Variants in LRRK1 observed in about 807,000 individuals in gnomAD.
LRRK1 encodes leucine-rich repeat serine/threonine-protein kinase 1.
LRRK1 carries 113 observed loss-of-function variants against 209.1 expected under a neutral mutation model. That is an observed-to-expected ratio of 0.54 (90% confidence interval 0.46 to 0.63). The LOEUF (loss-of-function observed/expected upper bound fraction) is 0.63, where lower values mean the gene tolerates loss of function less well. LRRK1 is among the 30% of genes least tolerant of loss of function. The pLI is 0.00. For missense variants in LRRK1, 2,284 were observed against 2,632.2 expected, an observed-to-expected ratio of 0.87 and a Z score of 2.89; for synonymous variants, 1,144 against 1,099.7, an observed-to-expected ratio of 1.04 and a Z score of -0.80.
intron 4 of LRRK1, among the ~76,000 whole-genome samples, chr15:100,984,612 A>G (rs1325983264): frequency 1.3e-5 from 2 of 151,808 alleles, no homozygotes; most frequent in Non-Finnish European, 2.9e-5. Context: ...CTTCTTTCCC[A>G]TAGCGATATG....
At chr15:100,991,515 C>G (rs1384789832) in intron 6 of LRRK1, among the ~76,000 whole-genome samples, 1 of 152,026 alleles carries the variant, frequency 6.6e-6, no homozygotes, top group Non-Finnish European at 1.5e-5. Flanking sequence ...CATTTCTATT[C>G]CAACCTGATG....
At chr15:101,045,823 T>G (rs1180989314) in intron 20 of LRRK1, among the ~76,000 whole-genome samples, 158 bp from the exon 21 acceptor site, 2 of 152,198 alleles carry the variant, frequency 1.3e-5, no homozygotes, top group African/African-American at 4.8e-5. Flanking sequence ...ACGCTTCTCT[T>G]ACTAATAACA....
At chr15:100,924,403 A>C in intron 1 of LRRK1, 108 bp from the exon 2 acceptor site, 1 of 539,962 alleles carries the variant, frequency 1.9e-6, no homozygotes, top group Non-Finnish European at 3.4e-6. Flanking sequence ...GATGGACTAC[A>C]AAAAGGAATG....
chr15:100,965,154 C>T (rs1307814835), intron 2 of LRRK1, among the ~76,000 whole-genome samples: 1 of 152,034 alleles, frequency 6.6e-6, no homozygotes, highest in Non-Finnish European at 1.5e-5. Flanking sequence ...ATTACTCTTT[C>T]AGAATACTGA....
At chr15:101,008,701 C>T in intron 6 of LRRK1, 136 bp from the exon 7 acceptor site, 1 of 680,154 alleles carries the variant, frequency 1.5e-6, no homozygotes, top group Non-Finnish European at 2.6e-6. Context: ...CCGAGAAGGA[C>T]ATGTGCAGGC....
chr15:101,065,543 C>G lies in LRRK1; in HGVS notation c.5106C>G (p.Gly1702=), dbSNP rs2036482126. 1.2e-6 allele frequency: 2 copies of G among 1,614,102 alleles called. No individual in the cohort carries two copies. The highest frequency in any genetic ancestry group is 1.6e-4 in the Middle Eastern group (1 of 6,084). Residue 1702 remains glycine, a synonymous_variant, in exon 32 of 34, where the codon GGC becomes GGG. Coordinates refer to ENST00000388948, the MANE Select transcript of LRRK1 (RefSeq NM_024652.6). The part of the protein sequence containing the change: ...PVKAMEVVNS[G]SEVWYSNGPG... Reference sequence around the variant, plus strand: ...AGGCCATGGAGGTGGTCAACAGCGGCTCTGAGGTCTGGTACAGCAATGGGC... The same window carrying G: ...AGGCCATGGAGGTGGTCAACAGCGGGTCTGAGGTCTGGTACAGCAATGGGC...
chr15:101,058,845 G>A (rs566286757), intron 29 of LRRK1, among the ~76,000 whole-genome samples: 7 of 152,246 alleles, frequency 4.6e-5, no homozygotes, highest in South Asian at 2.1e-4. Context: ...ACTAGGAGGC[G>A]GTGGCCAGAC....
chr15:101,041,868 A>G (rs559407857), intron 20 of LRRK1, among the ~76,000 whole-genome samples: 30 of 152,364 alleles, frequency 2.0e-4, no homozygotes, highest in African/African-American at 7.0e-4. Context: ...GAAATTAACA[A>G]CAATAACAAC....
At chr15:100,971,045 A>T (rs531501086) in intron 2 of LRRK1, among the ~76,000 whole-genome samples, 65 of 152,292 alleles carry the variant, frequency 4.3e-4, no homozygotes, top group Non-Finnish European at 6.8e-4. Flanking sequence ...TTTAAAAAGA[A>T]AAACAAGGCC....
intron 6 of LRRK1, among the ~76,000 whole-genome samples, chr15:100,991,211 A>G (rs1258209409): frequency 6.6e-6 from 1 of 152,174 alleles, no homozygotes; most frequent in Non-Finnish European, 1.5e-5. Flanking sequence ...GTTTCTGGCA[A>G]ATGTCATATT....
At chr15:100,951,344 A>T (rs1217252674) in intron 2 of LRRK1, among the ~76,000 whole-genome samples, 1 of 152,190 alleles carries the variant, frequency 6.6e-6, no homozygotes, top group Admixed American at 6.5e-5. Context: ...TGAAGGTGGG[A>T]CTGGAACATG....
At position 101,056,938 on chromosome 15, in the gene LRRK1, T is replaced by C. The variant is rs780409265; in HGVS notation, c.4415T>C (p.Ile1472Thr). ...GCACTGGGCCACCACCAGCTCCAGA[T>C]TGCCAAGAAGCTGTCCAAGGGCATC... ...RPALGHHQLQ[I>T]AKKLSKGIRP... Residue 1472 changes from isoleucine (I) to threonine (T), a missense_variant, in exon 28 of 34, where the codon ATT becomes ACT. Ile to Thr is a moderately conservative substitution (Grantham distance 89). Around this residue, in one of 6 missense-constraint regions of LRRK1, gnomAD observed 59 missense variants for 103.8 expected, o/e 0.57. Transcript: ENST00000388948. 3.7e-6 allele frequency: 6 copies of C among 1,614,048 alleles called. No homozygotes were observed. The Admixed American group carries it at 5.0e-5, about 13-fold the overall frequency.
intron 6 of LRRK1, among the ~76,000 whole-genome samples, chr15:100,993,375 TAC>T (rs2032251467): frequency 6.6e-6 from 1 of 152,228 alleles, no homozygotes; most frequent in Non-Finnish European, 1.5e-5. Flanking sequence ...CAAGTGTACA[TAC>T]ATCCATCGAT....
At chr15:100,972,355 AGAGAGAGAGTGT>A (rs1302550901) in intron 2 of LRRK1, among the ~76,000 whole-genome samples, 597 of 134,052 alleles carry the variant, frequency 4.5e-3, no homozygotes, top group East Asian at 0.013. Flanking sequence ...AGAGAGAGAG[AGAGAGAGAGTGT>A]GTGTGTGTGT....
At chr15:101,009,314 G>A (rs1188434348) in intron 7 of LRRK1, among the ~76,000 whole-genome samples, 1 of 152,232 alleles carries the variant, frequency 6.6e-6, no homozygotes, top group African/African-American at 2.4e-5. Context: ...TGAGATGCTT[G>A]TCTTGGTCCT....
intron 28 of LRRK1, 83 bp from the exon 29 acceptor site, chr15:101,057,907 G>A (rs1180653776): frequency 1.7e-5 from 25 of 1,450,830 alleles, no homozygotes; most frequent in Non-Finnish European, 2.4e-5. Flanking sequence ...TCCCTGGTTG[G>A]GGCTGGCTGA....
chr15:100,928,101 T>A (rs540230605), intron 2 of LRRK1, among the ~76,000 whole-genome samples: 1 of 152,368 alleles, frequency 6.6e-6, no homozygotes, highest in Non-Finnish European at 1.5e-5. Context: ...ACATTGCTTT[T>A]TGTTTTGTTT....
chr15:100,989,862 TG>T (rs1434786052), intron 6 of LRRK1, among the ~76,000 whole-genome samples: 2 of 152,252 alleles, frequency 1.3e-5, no homozygotes, highest in South Asian at 2.1e-4. Flanking sequence ...TTTTTTTGGT[TG>T]TTTTTTTTCT....
At chr15:101,033,506 G>T (rs530698640) in intron 20 of LRRK1, among the ~76,000 whole-genome samples, 1 of 152,220 alleles carries the variant, frequency 6.6e-6, no homozygotes, top group South Asian at 2.1e-4. Context: ...CCACATATGA[G>T]TGGGAGCATG....
Sources: allele counts gnomAD v4.1 joint callset (sites outside exome capture counted in the v4.1 genomes callset), GRCh38; gene constraint gnomAD v4.1.1; regional missense constraint gnomAD v4.1.1; transcripts MANE v1.5; gene names NCBI Gene and HGNC (gene_info 2026-07-23, HGNC 2026-07-21).